The following PACRG variants were observed in gnomAD, a reference collection of about 807,000 sequenced individuals.
The protein encoded by PACRG is parkin coregulated, also known as parkin coregulated gene protein.
PACRG carries 29 observed loss-of-function variants against 29.7 expected under a neutral mutation model. That is an observed-to-expected ratio of 0.98 (90% CI 0.73 to 1.33). The LOEUF (loss-of-function observed/expected upper bound fraction) is 1.33. PACRG is among the 40% of genes most tolerant of loss of function. The probability of loss-of-function intolerance (pLI) is 0.00; values close to 1 mark genes in which losing one functional copy is unlikely to be tolerated. For missense variants in PACRG, 279 were observed against 316.2 expected, an observed-to-expected ratio of 0.88 and a Z score of 0.89; for synonymous variants, 116 against 118.7, an observed-to-expected ratio of 0.98 and a Z score of 0.15.
intron 2 of PACRG, among the ~76,000 whole-genome samples, chr6:162,862,995 G>A (rs1791990727): frequency 6.6e-6 from 1 of 152,176 alleles, no homozygotes. Flanking sequence ...GCCCATGTTG[G>A]TCCTGTTTAT....
At position 162,947,625 on chromosome 6, in the gene PACRG, T is replaced by TG. The variant is rs534593298; in HGVS notation, c.292-114525_292-114524insG. On this transcript the variant is annotated intron_variant, in intron 2 of 4. Transcript: ENST00000366888. The stretch of plus-strand genomic sequence containing the variant: ...ATATATATAATCATATATATATATA[T>TG]ATATATATATATATATATATATACA... Among the ~76,000 whole-genome samples, 16 of 53,384 alleles carry TG rather than the reference T, an allele frequency of 3.0e-4. 2 individuals are homozygous for TG. The highest frequency in any genetic ancestry group is 1.6e-3 in the South Asian group (2 of 1,232). The allele number at this position is 53,384 out of a possible 152,430, so 35.0% of individuals were successfully genotyped here.
chr6:163,074,624 G>A (rs1307207039), intron 3 of PACRG, among the ~76,000 whole-genome samples: 2 of 141,398 alleles, frequency 1.4e-5, no homozygotes, highest in African/African-American at 5.7e-5. Context: ...ACCCTGATGC[G>A]ATTATTACAC....
chr6:162,785,149 A>G (rs1335462805), intron 1 of PACRG, among the ~76,000 whole-genome samples: 1 of 147,256 alleles, frequency 6.8e-6, no homozygotes, highest in Admixed American at 6.9e-5. Context: ...ATTGACAAAG[A>G]AAGAGAGAAT....
chr6:163,204,970 T>C (rs575735351), intron 4 of PACRG, among the ~76,000 whole-genome samples: 2 of 152,248 alleles, frequency 1.3e-5, no homozygotes, highest in Admixed American at 6.5e-5. Context: ...CCATTCACAA[T>C]AGTCACAGAA....
At chr6:162,797,028 G>A (rs1327232775) in intron 1 of PACRG, among the ~76,000 whole-genome samples, 2 of 152,210 alleles carry the variant, frequency 1.3e-5, no homozygotes, top group Non-Finnish European at 2.9e-5. Context: ...TGTAATCCCA[G>A]CACTTTGGGA....
chr6:162,878,178 A>G (rs1003224273), intron 2 of PACRG, among the ~76,000 whole-genome samples: 3 of 152,220 alleles, frequency 2.0e-5, no homozygotes, highest in East Asian at 3.8e-4. Flanking sequence ...TAAGTGTGAG[A>G]TGCAAGTGTA....
intron 2 of PACRG, among the ~76,000 whole-genome samples, chr6:162,909,014 G>T (rs1796120289): frequency 6.6e-6 from 1 of 152,188 alleles, no homozygotes; most frequent in African/African-American, 2.4e-5. Flanking sequence ...AAGAGGGCAA[G>T]ATGCAGTACA....
intron 2 of PACRG, among the ~76,000 whole-genome samples, chr6:162,942,056 CT>C (rs1308618815): frequency 6.6e-6 from 1 of 152,226 alleles, no homozygotes; most frequent in Non-Finnish European, 1.5e-5. Flanking sequence ...AGAGTAGAAT[CT>C]AAGCCACCTT....
intron 2 of PACRG, among the ~76,000 whole-genome samples, chr6:162,927,364 G>T (rs1241760133): frequency 1.3e-5 from 2 of 152,024 alleles, no homozygotes; most frequent in Non-Finnish European, 2.9e-5. Flanking sequence ...TATGTTTATT[G>T]CAGTACTATT....
At chr6:163,095,953 A>G (rs1814544004) in intron 4 of PACRG, among the ~76,000 whole-genome samples, 1 of 152,168 alleles carries the variant, frequency 6.6e-6, no homozygotes, top group Non-Finnish European at 1.5e-5. Flanking sequence ...TGATAAATAA[A>G]GGTAGAGGTT....
At chr6:163,263,981 G>C (rs1562346180) in intron 4 of PACRG, among the ~76,000 whole-genome samples, 1 of 152,090 alleles carries the variant, frequency 6.6e-6, no homozygotes, top group Non-Finnish European at 1.5e-5. Flanking sequence ...TTTTCTTGTT[G>C]AATGCAGCAA....
At chr6:163,085,512 G>A (rs894440245) in intron 3 of PACRG, among the ~76,000 whole-genome samples, 4 of 152,204 alleles carry the variant, frequency 2.6e-5, no homozygotes, top group African/African-American at 9.6e-5. Context: ...ACTTCCAAAC[G>A]ATCCCAAGAA....
At chr6:163,089,132 A>G in intron 3 of PACRG, 127 bp from the exon 4 acceptor site, 4 of 854,968 alleles carry the variant, frequency 4.7e-6, no homozygotes, top group Non-Finnish European at 7.1e-6. Flanking sequence ...ATAATAATAA[A>G]GGCCCATTGG....
intron 1 of PACRG, among the ~76,000 whole-genome samples, chr6:162,803,527 A>G (rs1031291401): frequency 6.6e-6 from 1 of 152,216 alleles, no homozygotes; most frequent in South Asian, 2.1e-4. Flanking sequence ...AAAAAGAGCA[A>G]ATAAAGAAAA....
At chr6:162,745,373 G>C (rs747145924) in intron 1 of PACRG, among the ~76,000 whole-genome samples, 9 of 152,038 alleles carry the variant, frequency 5.9e-5, no homozygotes, top group Non-Finnish European at 1.2e-4. Flanking sequence ...AACACACACA[G>C]GGGCCTTTCG....
At chr6:163,264,064 G>A (rs533282528) in intron 4 of PACRG, among the ~76,000 whole-genome samples, 25 of 152,304 alleles carry the variant, frequency 1.6e-4, no homozygotes, top group African/African-American at 6.0e-4. Flanking sequence ...TGAGAGTCAA[G>A]AGAAGGAAAC....
At chr6:162,850,677 C>T (rs562673357) in intron 2 of PACRG, among the ~76,000 whole-genome samples, 1 of 152,182 alleles carries the variant, frequency 6.6e-6, no homozygotes, top group East Asian at 1.9e-4. Context: ...GGGGAAGCTC[C>T]ACACCCTTTC....
chr6:162,737,312 T>C (rs1780239012), intron 1 of PACRG, among the ~76,000 whole-genome samples: 1 of 152,184 alleles, frequency 6.6e-6, no homozygotes, highest in South Asian at 2.1e-4. Flanking sequence ...AGTTCTCAGA[T>C]TGCAAATTGT....
At chr6:163,017,035 C>T (rs897108180) in intron 2 of PACRG, among the ~76,000 whole-genome samples, 3 of 151,978 alleles carry the variant, frequency 2.0e-5, no homozygotes, top group Non-Finnish European at 2.9e-5. Context: ...TTTGTATTGT[C>T]TAGAAATACA....
Sources: gnomAD v4.1 joint callset for allele counts (sites outside exome capture counted in the v4.1 genomes callset) on GRCh38, gnomAD v4.1.1 for gene constraint, MANE v1.5 for transcripts, NCBI Gene and HGNC (gene_info 2026-07-23, HGNC 2026-07-21) for gene names.